Variants in FCN2 observed in about 807,000 individuals in gnomAD.
FCN2 encodes the protein ficolin 2.
A neutral mutation model predicts 32.5 loss-of-function variants in FCN2; 31 were observed. The observed-to-expected ratio is 0.96, with a 90% CI of 0.72 to 1.29. FCN2 has a LOEUF of 1.29. FCN2 is among the 50% of genes most tolerant of loss of function. The probability of loss-of-function intolerance (pLI) is 0.00; values close to 1 mark genes in which losing one functional copy is unlikely to be tolerated. For missense variants in FCN2, 412 were observed against 406.5 expected (o/e 1.01, Z -0.12); for synonymous variants, 181 against 164.5 (o/e 1.10, Z -0.77).
At chr9:134,873,893 T>G in the FCN2 span, among the ~76,000 whole-genome samples, 125 of 45,972 alleles carry the variant, frequency 2.7e-3, no homozygotes, top group African/African-American at 4.4e-3. Flanking sequence ...GTTTGTTTTG[T>G]TTTTTGTTTT....
chr9:134,885,489 G>A (rs1830736358), intron 5 of FCN2, 123 bp downstream of exon 5: 2 of 1,475,644 alleles, frequency 1.4e-6, no homozygotes, highest in African/African-American at 1.4e-5. Context: ...AGAGATGATG[G>A]GGGAGATGAC....
the FCN2 span, among the ~76,000 whole-genome samples, chr9:134,874,586 CCAAA>C: frequency 6.6e-6 from 1 of 152,190 alleles, no homozygotes. Flanking sequence ...GCTTTTACAT[CCAAA>C]CAACCATTTT....
In FCN2 at chr9:134,883,328, G is replaced by A; in HGVS notation, c.241G>A (p.Gly81Arg). 1 of 1,613,726 alleles carries A rather than the reference G, an allele frequency of 6.2e-7. No homozygotes were observed. ...AGAACGTGGCCCCCCTGGACCTCCT[G>A]GGAAGGCAGGACCACCTGGGCCCAA... Reference protein sequence around the residue: ...RGERGPPGPPGKAGPPGPNGA... With the variant: ...RGERGPPGPPRKAGPPGPNGA... Residue 81 changes from glycine (G) to arginine (R), a missense_variant, in exon 3 of 8, where the codon GGG becomes AGG. Gly to Arg is a moderately radical substitution (Grantham distance 125, BLOSUM62 -2). Coordinates refer to ENST00000291744, the MANE Select transcript of FCN2 (RefSeq NM_004108.3).
the FCN2 span, among the ~76,000 whole-genome samples, chr9:134,871,984 TTC>T: frequency 6.6e-6 from 1 of 151,572 alleles, no homozygotes; most frequent in Non-Finnish European, 1.5e-5. Flanking sequence ...ATCTGTGCTT[TTC>T]TCTGTCACTA....
chr9:134,880,977 C>T, intron 1 of FCN2, 56 bp downstream of exon 1: 1 of 1,325,046 alleles, frequency 7.5e-7, no homozygotes, highest in Non-Finnish European at 1.1e-6. Flanking sequence ...AAGCTGGCAG[C>T]TTCGTGATTG....
chr9:134,880,992 C>A, intron 1 of FCN2, 71 bp downstream of exon 1: 4 of 1,117,458 alleles, frequency 3.6e-6, no homozygotes, highest in Non-Finnish European at 5.3e-6. Context: ...TGATTGGTGG[C>A]TTCCTGGCTT....
At chr9:134,883,400 G>C (rs943206948) in intron 3 of FCN2, 45 bp downstream of exon 3, 11 of 1,555,154 alleles carry the variant, frequency 7.1e-6, no homozygotes, top group Non-Finnish European at 9.8e-6. Flanking sequence ...GGCCCTTCCA[G>C]ACCTGGCTGC....
chr9:134,887,084 C>A, intron 7 of FCN2, 84 bp from the exon 8 acceptor site: 1 of 1,528,276 alleles, frequency 6.5e-7, no homozygotes, highest in Non-Finnish European at 9.1e-7. Context: ...GAGGACACAC[C>A]AGGCCAGGCC....
chr9:134,864,352 G>C, the FCN2 span, among the ~76,000 whole-genome samples: 1 of 152,190 alleles, frequency 6.6e-6, no homozygotes, highest in South Asian at 2.1e-4. Context: ...TGGGCAGAGC[G>C]TCCCTGCCAG....
At chr9:134,884,627 C>T in intron 3 of FCN2, 113 bp from the exon 4 acceptor site, 5 of 1,073,390 alleles carry the variant, frequency 4.7e-6, no homozygotes, top group Non-Finnish European at 7.1e-6. Flanking sequence ...TTGGCTGGAC[C>T]CATACCATCA....
At chr9:134,870,541 A>C in the FCN2 span, among the ~76,000 whole-genome samples, 2 of 151,852 alleles carry the variant, frequency 1.3e-5, no homozygotes, top group Non-Finnish European at 2.9e-5. This position sits in a 1 kb window ranked among gnomAD's most constrained non-coding sequence, Gnocchi z 4.3. Context: ...GGCAGCAATA[A>C]GTGCCCTCGG....
intron 3 of FCN2, among the ~76,000 whole-genome samples, 190 bp from the exon 4 acceptor site, chr9:134,884,550 G>A (rs1359124201): frequency 6.6e-6 from 1 of 152,226 alleles, no homozygotes; most frequent in African/African-American, 2.4e-5. Flanking sequence ...ATGTGGTGGA[G>A]GGGCCAGTGT....
Position 134,887,092 on chromosome 9 carries a change from G to A in FCN2, c.695-76G>A, listed in dbSNP as rs1748008664. 18 of 1,560,046 alleles carry A rather than the reference G, an allele frequency of 1.2e-5. No homozygotes were observed. In the South Asian group the frequency reaches 1.8e-4, roughly 15 times the overall value. ...ATACATGGAGGACACACCAGGCCAG[G>A]CCTCAGGTATAAAGACTTATACTGT... On this transcript the variant is annotated intron_variant, in intron 7 of 7. Transcript: ENST00000291744.
rs576585366 is a variant in FCN2 at position 134,882,731 on chromosome 9, G to A, written c.214+92G>A. On this transcript the variant is annotated intron_variant, in intron 2 of 7. Coordinates refer to ENST00000291744, the MANE Select transcript of FCN2 (RefSeq NM_004108.3). ...ACACCCCCACCATGGTTCCTAGATC[G>A]AGAGCTGGGTCAGGCCCCTGCAAGA... The A allele has an allele frequency of 8.4e-5, 75 of 889,982 alleles. No homozygotes were observed. The East Asian group carries it at 1.2e-3, about 15-fold the overall frequency. The allele number at this position is 889,982 out of a possible 1,614,324, so 55.1% of individuals were successfully genotyped here.
Position 134,883,373 on chromosome 9 carries a change from G to T in FCN2, c.268+18G>T. 6.2e-7 allele frequency: 1 copy of T among 1,611,342 alleles called. No individual in the cohort carries two copies. Among genetic ancestry groups the T allele is most frequent in the Non-Finnish European group, 8.5e-7 (1 of 1,177,682 alleles). On this transcript the variant is annotated intron_variant, in intron 3 of 7. Coordinates refer to ENST00000291744, the MANE Select transcript of FCN2 (RefSeq NM_004108.3). ...GCCCAACGGTAAGGAGGGGACAAGA[G>T]TGAGAAGCGGCTTCAAGGCCCTTCC...
At position 134,887,390 on chromosome 9, in the gene FCN2, CAG is replaced by C. The variant is rs772828864; in HGVS notation, c.921_922del (p.Glu307AspfsTer35). The C allele has an allele frequency of 3.1e-6, 5 of 1,614,014 alleles. No individual in the cohort carries two copies. The Admixed American group carries it at 8.3e-5, about 27-fold the overall frequency. On this transcript the variant is annotated frameshift_variant, in exon 8 of 8. Coordinates refer to ENST00000291744, the MANE Select transcript of FCN2 (RefSeq NM_004108.3). LOFTEE classifies it high-confidence loss of function. ...GGATACAATTATAGCTACAAGGTGTCAGAGATGAAGGTGCGACCTGCCTAGCC... is the reference window on the plus strand; with the variant it reads ...GGATACAATTATAGCTACAAGGTGTCAGATGAAGGTGCGACCTGCCTAGCC...
At chr9:134,876,788 G>A (rs1216310019), upstream of FCN2, among the ~76,000 whole-genome samples, 1 of 152,130 alleles carries the variant, frequency 6.6e-6, no homozygotes, top group Non-Finnish European at 1.5e-5. Context: ...ACGTTGGCCA[G>A]GCTGGTCTCG....
rs770168648 is a variant in FCN2 at position 134,886,556 on chromosome 9, G to A, written c.686G>A (p.Gly229Asp). Residue 229 changes from glycine (G) to aspartate (D), a missense_variant, in exon 7 of 8, where the codon GGC becomes GAC. Physicochemically the swap from Gly to Asp is moderately conservative, Grantham distance 94 (BLOSUM62 -1). Transcript: ENST00000291744. ...CTGGTCCTGGGGGCCTTCGTGGAGG[G>A]CAGTGCGGGTGAGTGTCTGCTTGGG... ...YNLVLGAFVEGSAGDSLTFHN... is the reference protein window; with the variant it reads ...YNLVLGAFVEDSAGDSLTFHN... 5 of 1,613,982 alleles carry A rather than the reference G, an allele frequency of 3.1e-6. No homozygotes were observed. In the African/African-American group the frequency reaches 6.7e-5, roughly 22 times the overall value.
At chr9:134,882,708 AC>A in intron 2 of FCN2, 69 bp downstream of exon 2, 3 of 1,079,168 alleles carry the variant, frequency 2.8e-6, no homozygotes, top group Admixed American at 1.8e-5. Context: ...GTTGGGCAAC[AC>A]CCCCACCATG....
Sources: gnomAD v4.1 joint callset for allele counts (sites outside exome capture counted in the v4.1 genomes callset) on GRCh38, gnomAD v4.1.1 for gene constraint, Gnocchi (gnomAD v3.1) non-coding constraint, MANE v1.5 for transcripts, NCBI Gene and HGNC (gene_info 2026-07-23, HGNC 2026-07-21) for gene names.